Variants in HDAC8 observed in about 807,000 individuals in gnomAD.
The protein encoded by HDAC8 is histone deacetylase-like 1.
HDAC8 carries 1 observed loss-of-function variant against 32.2 expected under a neutral mutation model. The ratio of observed to expected loss-of-function variants is 0.03; its 90% CI spans 0.01 to 0.15. The LOEUF (loss-of-function observed/expected upper bound fraction) is 0.15. HDAC8 is among the 10% of genes least tolerant of loss of function. The probability of loss-of-function intolerance (pLI) is 1.00; values close to 1 mark genes in which losing one functional copy is unlikely to be tolerated. For missense variants in HDAC8, 117 were observed against 300.0 expected (o/e 0.39, Z 4.51); for synonymous variants, 108 against 113.9 (o/e 0.95, Z 0.33).
intron 9 of HDAC8, among the ~76,000 whole-genome samples, chrX:72,440,885 C>T (rs782279995): frequency 5.3e-5 from 6 of 112,832 alleles, no homozygotes; most frequent in South Asian, 3.7e-4. Flanking sequence ...CATTATATCC[C>T]GCACCTGGCT....
intron 4 of HDAC8, among the ~76,000 whole-genome samples, chrX:72,527,058 G>A (rs138221019): frequency 1.8e-5 from 2 of 111,318 alleles, no homozygotes; most frequent in Non-Finnish European, 3.8e-5. Flanking sequence ...ACTGCCTTTA[G>A]GATAAAGTCC....
intron 7 of HDAC8, among the ~76,000 whole-genome samples, chrX:72,470,578 C>T (rs2048143973): frequency 9.0e-6 from 1 of 111,581 alleles, no homozygotes; most frequent in Non-Finnish European, 1.9e-5. Context: ...CCATCTATCC[C>T]TCCCTTTCTT....
At chrX:72,364,359 G>A (rs1338551161) in intron 9 of HDAC8, among the ~76,000 whole-genome samples, 1 of 111,213 alleles carries the variant, frequency 9.0e-6, no homozygotes, top group Non-Finnish European at 1.9e-5. Context: ...GCCCTCTGTT[G>A]GTGTTGTAAT....
chrX:72,497,452 T>C (rs1462799360), intron 4 of HDAC8, among the ~76,000 whole-genome samples: 3 of 112,010 alleles, frequency 2.7e-5, no homozygotes, highest in African/African-American at 9.7e-5. Context: ...TCAAATACTT[T>C]AAGAATTCAA....
At chrX:72,481,555 G>T (rs2048506071) in intron 7 of HDAC8, among the ~76,000 whole-genome samples, 1 of 110,448 alleles carries the variant, frequency 9.1e-6, no homozygotes, top group South Asian at 3.9e-4. Context: ...AGGCCTAAAG[G>T]AGTAAATTAC....
At chrX:72,472,137 G>C (rs1427172372) in intron 7 of HDAC8, among the ~76,000 whole-genome samples, 1 of 104,686 alleles carries the variant, frequency 9.6e-6, no homozygotes, top group Non-Finnish European at 2.0e-5. Flanking sequence ...GCGGGATCTC[G>C]GCTCACTGCA....
At chrX:72,567,764 G>A (rs782417255) in intron 4 of HDAC8, 125 bp downstream of exon 4, 6 of 1,209,235 alleles carry the variant, frequency 5.0e-6, no homozygotes, top group Middle Eastern at 2.3e-4. Flanking sequence ...TCTTCAGAAT[G>A]CCTTGTAAAG....
Position 72,382,416 on chromosome X carries a change from T to C in HDAC8, c.1006-30578A>G, listed in dbSNP as rs782075500. 3.6e-5 allele frequency among the ~76,000 whole-genome samples: 4 copies of C among 111,928 alleles called. No homozygotes were observed. In the South Asian group the frequency reaches 1.1e-3, roughly 31 times the overall value. On this transcript the variant is annotated intron_variant, in intron 9 of 10. Transcript: ENST00000373573. Reference sequence around the variant, plus strand: ...AATATGCCACTGCCAAAGATGAGGGTGGCTGTAATCTCATTCACTCTAGGT... The same window carrying C: ...AATATGCCACTGCCAAAGATGAGGGCGGCTGTAATCTCATTCACTCTAGGT...
At chrX:72,460,497 A>T (rs2047839128) in intron 9 of HDAC8, among the ~76,000 whole-genome samples, 1 of 111,824 alleles carries the variant, frequency 8.9e-6, no homozygotes, top group Admixed American at 9.5e-5. Context: ...TAGGCACTTG[A>T]CATACATTAT....
intron 9 of HDAC8, among the ~76,000 whole-genome samples, chrX:72,400,983 GT>G: frequency 8.9e-6 from 1 of 112,449 alleles, no homozygotes; most frequent in Non-Finnish European, 1.9e-5. Flanking sequence ...ATATTGATCA[GT>G]TGATGGACAT....
chrX:72,469,159 T>TA (rs2048100578), intron 7 of HDAC8, among the ~76,000 whole-genome samples: 1 of 110,393 alleles, frequency 9.1e-6, no homozygotes, highest in East Asian at 2.9e-4. Context: ...GTTTTTTTTT[T>TA]CCTATTTTCA....
chrX:72,526,740 C>T (rs1246736957), intron 4 of HDAC8, among the ~76,000 whole-genome samples: 1 of 111,587 alleles, frequency 9.0e-6, no homozygotes, highest in Non-Finnish European at 1.9e-5. Flanking sequence ...ATCATTATCA[C>T]GCCCTGAAAC....
At chrX:72,460,914 C>T (rs2047850139) in intron 9 of HDAC8, among the ~76,000 whole-genome samples, 1 of 112,070 alleles carries the variant, frequency 8.9e-6, no homozygotes, top group Admixed American at 9.5e-5. Flanking sequence ...TCTATTAACC[C>T]TGACATCAGC....
intron 9 of HDAC8, among the ~76,000 whole-genome samples, chrX:72,356,927 A>G (rs1317837402): frequency 9.0e-6 from 1 of 110,784 alleles, no homozygotes; most frequent in Non-Finnish European, 1.9e-5. Context: ...TCAGCTGTGC[A>G]TTTTAGAGGG....
At chrX:72,359,992 T>G (rs1408426629) in intron 9 of HDAC8, among the ~76,000 whole-genome samples, 1 of 107,407 alleles carries the variant, frequency 9.3e-6, no homozygotes, top group Non-Finnish European at 1.9e-5. Context: ...AGGCAGAGGT[T>G]GCAGTGAGTC....
chrX:72,443,125 A>G (rs1224695162), intron 9 of HDAC8, among the ~76,000 whole-genome samples: 1 of 110,779 alleles, frequency 9.0e-6, no homozygotes, highest in Admixed American at 9.6e-5. Flanking sequence ...TAGACAGATC[A>G]GCGAGACAGA....
At position 72,567,449 on chromosome X, in the gene HDAC8, A is replaced by C. The variant is rs1257387017; in HGVS notation, c.437+440T>G. On this transcript the variant is annotated intron_variant, in intron 4 of 10. Coordinates refer to ENST00000373573, the MANE Select transcript of HDAC8 (RefSeq NM_018486.3). Reference sequence around the variant, plus strand: ...TTTCTTTCTACTGATAAGTCTCTTCAGCTCATACATATATTCCATTGGTAC... The same window carrying C: ...TTTCTTTCTACTGATAAGTCTCTTCCGCTCATACATATATTCCATTGGTAC... 3 of 250,178 alleles carry C rather than the reference A, an allele frequency of 1.2e-5. 1 individual carries two copies. In the Admixed American group the frequency reaches 1.8e-4, roughly 15 times the overall value. 20.6% of individuals were successfully genotyped at this position (250,178 alleles called of 1,213,427 possible).
At chrX:72,410,966 A>G (rs782592979) in intron 9 of HDAC8, among the ~76,000 whole-genome samples, 28 of 109,551 alleles carry the variant, frequency 2.6e-4, no homozygotes, top group African/African-American at 9.0e-4. Context: ...AATATGCTCT[A>G]GTCACACTGG....
intron 4 of HDAC8, among the ~76,000 whole-genome samples, chrX:72,516,483 T>TTCCC (rs2049807942): frequency 9.0e-6 from 1 of 111,237 alleles, no homozygotes; most frequent in African/African-American, 3.3e-5. Flanking sequence ...AAATACAGCA[T>TTCCC]TCCCTTTCTT....
Sources: gnomAD v4.1 joint callset for allele counts (sites outside exome capture counted in the v4.1 genomes callset) on GRCh38, gnomAD v4.1.1 for gene constraint, MANE v1.5 for transcripts, NCBI Gene and HGNC (gene_info 2026-07-23, HGNC 2026-07-21) for gene names.